TTLL8: variants seen among roughly 807,000 people sequenced by gnomAD.
The protein encoded by TTLL8 is tubulin tyrosine ligase like 8.
A neutral mutation model predicts 77.8 loss-of-function variants in TTLL8; 65 were observed. The ratio of observed to expected loss-of-function variants is 0.84; its 90% CI spans 0.68 to 1.03. The LOEUF (loss-of-function observed/expected upper bound fraction) is 1.03. Ranked by LOEUF, TTLL8 falls within the 50% of genes least tolerant of loss-of-function variation. TTLL8 has a pLI of 0.00. For synonymous variants in TTLL8, 402 were observed against 422.8 expected, an observed-to-expected ratio of 0.95 and a Z score of 0.60; for missense variants, 910 against 1,004.5, an observed-to-expected ratio of 0.91 and a Z score of 1.27.
upstream of TTLL8, among the ~76,000 whole-genome samples, chr22:50,057,202 G>GGGGTGGGGGTC (rs2061476134): frequency 6.8e-6 from 1 of 146,484 alleles, no homozygotes; most frequent in Non-Finnish European, 1.5e-5. Flanking sequence ...GTCAGGTCTG[G>GGGGTGGGGGTC]ATTAGGGGTC....
At chr22:50,024,298 G>A (rs978085644) in intron 12 of TTLL8, among the ~76,000 whole-genome samples, 1 of 151,904 alleles carries the variant, frequency 6.6e-6, no homozygotes, top group Non-Finnish European at 1.5e-5. Context: ...CACCATGCCT[G>A]GCTATTTTTT....
At chr22:50,032,212 G>T (rs1464704320) in intron 10 of TTLL8, 103 bp from the exon 12 acceptor site, 1 of 1,218,694 alleles carries the variant, frequency 8.2e-7, no homozygotes, top group Non-Finnish European at 1.1e-6. Flanking sequence ...TGGCTCTAGA[G>T]AACCCTGCCC....
intron 10 of TTLL8, 100 bp from the exon 12 acceptor site, chr22:50,032,209 A>G: frequency 8.1e-7 from 1 of 1,227,998 alleles, no homozygotes; most frequent in South Asian, 1.4e-5. Flanking sequence ...AGCTGGCTCT[A>G]GAGAACCCTG....
At chr22:50,055,936 G>A (rs536645842), upstream of TTLL8, among the ~76,000 whole-genome samples, 25 of 152,274 alleles carry the variant, frequency 1.6e-4, no homozygotes, top group Admixed American at 8.5e-4. Context: ...CACAGGATGA[G>A]ATAGGAGGTC....
rs144095314 is a variant in TTLL8, at chr22:50,046,395, C to T, written c.394-425G>A. Among the ~76,000 whole-genome samples the T allele has an allele frequency of 1.5e-3, 227 of 152,322 alleles. 7 individuals carry two copies. In the East Asian group the frequency reaches 0.04, roughly 27 times the overall value. On this transcript the variant is annotated intron_variant, in intron 4 of 13. Coordinates refer to ENST00000266182, the Ensembl canonical transcript of TTLL8. Reference sequence around the variant, plus strand: ...CATGCCCAGCACTGCCCACCACACGCGAGGTAGCACGCGCCATTAGAGAGG... The same window carrying T: ...CATGCCCAGCACTGCCCACCACACGTGAGGTAGCACGCGCCATTAGAGAGG...
At chr22:50,047,737 T>C (rs2061421480) in intron 3 of TTLL8, among the ~76,000 whole-genome samples, 1 of 152,076 alleles carries the variant, frequency 6.6e-6, no homozygotes, top group African/African-American at 2.4e-5. Context: ...GATAGAGGGG[T>C]TGGTCGTGGA....
At position 50,041,785 on chromosome 22, in the gene TTLL8, C is replaced by T; in HGVS notation, c.666G>A (p.Lys222=). Reference sequence around the variant, plus strand: ...CAAGCTGCCCCGGGAGGCCCCTGAGCTTTGCCTCAGCATTTTCAGCATCTG... The same window carrying T: ...CAAGCTGCCCCGGGAGGCCCCTGAGTTTTGCCTCAGCATTTTCAGCATCTG... Residue 222 remains lysine, a synonymous_variant, in exon 7 of 14, where the codon AAG becomes AAA. Transcript: ENST00000266182. The surrounding 1 kb of genome is among the most constrained non-coding windows in gnomAD (Gnocchi z 4.3). The T allele has an allele frequency of 1.5e-6, 2 of 1,363,104 alleles. No homozygotes were observed. Among genetic ancestry groups the T allele is most frequent in the Non-Finnish European group, 2.0e-6 (2 of 1,020,302 alleles). 84.4% of individuals were successfully genotyped at this position (1,363,104 alleles called of 1,614,324 possible). A position where few individuals can be genotyped will look rare whatever the true frequency, so the allele number is the denominator to read the frequency against.
intron 12 of TTLL8, among the ~76,000 whole-genome samples, chr22:50,029,758 C>T (rs1182333528): frequency 2.0e-5 from 3 of 151,948 alleles, no homozygotes; most frequent in Non-Finnish European, 4.4e-5. Flanking sequence ...AAGACCCTCT[C>T]GTCATGCTGC....
intron 8 of TTLL8, among the ~76,000 whole-genome samples, chr22:50,036,390 C>A (rs796870654): frequency 3.3e-5 from 5 of 152,230 alleles, no homozygotes; most frequent in South Asian, 2.1e-4. Context: ...CTGCCATACT[C>A]AAAAAAGTCA....
At chr22:50,057,447 GTC>G (rs1569237109), upstream of TTLL8, among the ~76,000 whole-genome samples, 33 of 123,994 alleles carry the variant, frequency 2.7e-4, no homozygotes, top group South Asian at 5.6e-4. Flanking sequence ...TGGGTTGGGG[GTC>G]AGGTCTGGGT....
At chr22:50,055,106 C>T (rs1293402039), upstream of TTLL8, 2 of 1,163,570 alleles carry the variant, frequency 1.7e-6, no homozygotes, top group Non-Finnish European at 2.2e-6. Flanking sequence ...AGCCAAGTCC[C>T]CACAGGGAGG....
intron 12 of TTLL8, among the ~76,000 whole-genome samples, chr22:50,027,080 A>G (rs1201303682): frequency 2.6e-5 from 4 of 151,954 alleles, no homozygotes. Flanking sequence ...CTAAAAATAC[A>G]AAAAAATTAG....
intron 6 of TTLL8, among the ~76,000 whole-genome samples, chr22:50,043,443 G>A (rs1413029770): frequency 1.8e-4 from 26 of 145,780 alleles, no homozygotes; most frequent in African/African-American, 4.9e-4. Context: ...GTGCCGAGAC[G>A]TCCTTCGGTA....
intron 12 of TTLL8, among the ~76,000 whole-genome samples, chr22:50,023,422 C>T (rs957232535): frequency 2.0e-5 from 3 of 152,176 alleles, no homozygotes; most frequent in Non-Finnish European, 2.9e-5. Flanking sequence ...CGGTGGCTGA[C>T]GCCTGTAATC....
At chr22:50,040,864 C>G (rs1170218558) in intron 8 of TTLL8, among the ~76,000 whole-genome samples, 1 of 152,162 alleles carries the variant, frequency 6.6e-6, no homozygotes, top group Non-Finnish European at 1.5e-5. Flanking sequence ...CCCAGCTCCT[C>G]TCTCTGGTGG....
exon 11 of TTLL8, chr22:50,031,895 G>C (rs1199371883): frequency 6.6e-6 from 9 of 1,367,160 alleles, no homozygotes; most frequent in Non-Finnish European, 8.8e-6. Flanking sequence ...TTCTTGCGAG[G>C]CTCCACGTGG....
chr22:50,052,529 A>C (rs546822416), intron 1 of TTLL8, among the ~76,000 whole-genome samples: 1 of 152,344 alleles, frequency 6.6e-6, no homozygotes, highest in African/African-American at 2.4e-5. Flanking sequence ...TGAATACATC[A>C]ACGGTTTAAT....
intron 12 of TTLL8, among the ~76,000 whole-genome samples, chr22:50,029,940 G>C (rs889889552): frequency 6.6e-6 from 1 of 151,540 alleles, no homozygotes; most frequent in African/African-American, 2.4e-5. Flanking sequence ...AAGTCTGAAC[G>C]TGTGGCCGAG....
intron 8 of TTLL8, among the ~76,000 whole-genome samples, chr22:50,040,114 TGGA>T (rs2061360913): frequency 6.7e-6 from 1 of 149,974 alleles, no homozygotes; most frequent in Admixed American, 6.6e-5. Flanking sequence ...TGTGCCAGCG[TGGA>T]CGGACCTCAC....
Sources: gnomAD v4.1 joint callset for allele counts (sites outside exome capture counted in the v4.1 genomes callset) on GRCh38, gnomAD v4.1.1 for gene constraint, Gnocchi (gnomAD v3.1) non-coding constraint, MANE v1.5 for transcripts, NCBI Gene and HGNC (gene_info 2026-07-23, HGNC 2026-07-21) for gene names.